Variants in TNNI3K observed in about 807,000 individuals in gnomAD.
TNNI3K encodes serine/threonine-protein kinase TNNI3K.
Under a neutral mutation model 114.5 loss-of-function variants are expected in TNNI3K, and 140 were observed. The ratio of observed to expected loss-of-function variants is 1.22; its 90% CI spans 1.07 to 1.41. TNNI3K has a LOEUF of 1.41. Among genes scored for constraint, TNNI3K ranks in the 40% most tolerant of loss-of-function variants. TNNI3K has a pLI of 0.00. For synonymous variants in TNNI3K, 347 were observed against 347.5 expected (o/e 1.00, Z 0.02); for missense variants, 1,125 against 1,007.6 (o/e 1.12, Z -1.58).
chr1:74,344,232 A>G (rs971156571), intron 9 of TNNI3K, among the ~76,000 whole-genome samples: 67 of 152,204 alleles, frequency 4.4e-4, no homozygotes, highest in Non-Finnish European at 7.3e-5. Context: ...AAGTAAAACC[A>G]CCATTTATGG....
intron 23 of TNNI3K, among the ~76,000 whole-genome samples, chr1:74,508,483 A>G (rs1401238230): frequency 3.9e-5 from 6 of 152,220 alleles, no homozygotes; most frequent in South Asian, 2.1e-4. Context: ...TAGGACTTAA[A>G]CCTGGCCAGA....
intron 24 of TNNI3K, among the ~76,000 whole-genome samples, chr1:74,542,187 A>T (rs1346134124): frequency 6.6e-6 from 1 of 152,212 alleles, no homozygotes; most frequent in Non-Finnish European, 1.5e-5. Context: ...TTTGCTGATC[A>T]TTCCTGAGGG....
chr1:74,378,639 T>A (rs1211545971), intron 17 of TNNI3K: 2 of 123,530 alleles, frequency 1.6e-5, no homozygotes, highest in Admixed American at 8.1e-5. Context: ...TATATATATA[T>A]ATTTCATTTC....
intron 5 of TNNI3K, among the ~76,000 whole-genome samples, chr1:74,283,257 G>A (rs1262437441): frequency 1.3e-5 from 2 of 152,120 alleles, no homozygotes; most frequent in African/African-American, 2.4e-5. Flanking sequence ...TACTGAGTGT[G>A]CCCTATGTTA....
intron 5 of TNNI3K, among the ~76,000 whole-genome samples, chr1:74,303,124 C>T (rs1658424750): frequency 6.6e-6 from 1 of 152,194 alleles, no homozygotes; most frequent in Admixed American, 6.5e-5. Flanking sequence ...TTTGCCCATG[C>T]TCTATGAATG....
intron 5 of TNNI3K, among the ~76,000 whole-genome samples, chr1:74,277,042 A>G (rs1570407358): frequency 6.6e-6 from 1 of 152,176 alleles, no homozygotes; most frequent in Non-Finnish European, 1.5e-5. Flanking sequence ...GTCAGCAATC[A>G]ATAAACATGC....
intron 9 of TNNI3K, among the ~76,000 whole-genome samples, chr1:74,349,007 G>A (rs1661180767): frequency 6.6e-6 from 1 of 152,000 alleles, no homozygotes; most frequent in South Asian, 2.1e-4. Flanking sequence ...CTGCCTGATT[G>A]CCCTGGCCAG....
At chr1:74,451,095 T>C (rs1570637879) in intron 20 of TNNI3K, among the ~76,000 whole-genome samples, 1 of 152,198 alleles carries the variant, frequency 6.6e-6, no homozygotes, top group Admixed American at 6.5e-5. Flanking sequence ...TCATGTCCTT[T>C]GCAGGGACAT....
intron 23 of TNNI3K, among the ~76,000 whole-genome samples, chr1:74,532,188 G>A (rs2100443555): frequency 6.6e-6 from 1 of 152,286 alleles, no homozygotes; most frequent in East Asian, 1.9e-4. Context: ...AAAGTTTAGT[G>A]CATGTGTATC....
At chr1:74,240,505 C>CATCTTT (rs1187349978) in intron 2 of TNNI3K, 5 of 152,152 alleles carry the variant, frequency 3.3e-5, no homozygotes, top group Non-Finnish European at 7.3e-5. Flanking sequence ...GGATTGCATC[C>CATCTTT]ATCTTTATTT....
At chr1:74,348,435 G>A (rs1339614859) in intron 9 of TNNI3K, among the ~76,000 whole-genome samples, 1 of 152,164 alleles carries the variant, frequency 6.6e-6, no homozygotes, top group Non-Finnish European at 1.5e-5. Flanking sequence ...GTAGCATGAT[G>A]CCTCCAACTT....
intron 17 of TNNI3K, chr1:74,377,035 T>A (rs1344743245): frequency 6.6e-6 from 1 of 152,040 alleles, no homozygotes; most frequent in Non-Finnish European, 1.5e-5. Context: ...CATCAGAATC[T>A]CCAGTCTTGG....
chr1:74,450,674 A>T (rs1666950367), intron 20 of TNNI3K, among the ~76,000 whole-genome samples: 1 of 152,174 alleles, frequency 6.6e-6, no homozygotes. Context: ...CATTAGAGAA[A>T]CGCAGATCAA....
At chr1:74,349,439 T>G (rs1055651188) in intron 9 of TNNI3K, among the ~76,000 whole-genome samples, 2 of 152,166 alleles carry the variant, frequency 1.3e-5, no homozygotes, top group Admixed American at 1.3e-4. Flanking sequence ...TCTCTTTTTT[T>G]GTTGTGTCTC....
chr1:74,498,126 G>A (rs909597401), intron 23 of TNNI3K, among the ~76,000 whole-genome samples: 1 of 152,178 alleles, frequency 6.6e-6, no homozygotes, highest in Non-Finnish European at 1.5e-5. Context: ...TACACAAAAT[G>A]ACAATAGCAT....
At position 74,251,392 on chromosome 1, in the gene TNNI3K, TTTATAA is replaced by T. The variant is rs547242633; in HGVS notation, c.333+631_333+636del. Among the ~76,000 whole-genome samples, 366 of 73,494 alleles carry T rather than the reference TTTATAA, an allele frequency of 5.0e-3. 4 individuals carry two copies. The highest frequency in any genetic ancestry group is 0.034 in the Middle Eastern group (4 of 116). 48.2% of individuals were successfully genotyped at this position (73,494 alleles called of 152,430 possible). ...ACAAATTATATTATGCATTGATCAT[TTTATAA>T]TTATAATAACAATTTCTACTTTGTA... On this transcript the variant is annotated intron_variant, in intron 4 of 24. Coordinates refer to ENST00000326637, the MANE Select transcript of TNNI3K (RefSeq NM_015978.3).
At chr1:74,475,611 G>A (rs1167485341) in intron 21 of TNNI3K, 1 of 717,178 alleles carries the variant, frequency 1.4e-6, no homozygotes, top group Admixed American at 2.0e-5. Flanking sequence ...ACCCCACAGT[G>A]GACATGACCT....
intron 17 of TNNI3K, among the ~76,000 whole-genome samples, chr1:74,409,861 T>G (rs1664802162): frequency 6.6e-6 from 1 of 152,206 alleles, no homozygotes; most frequent in East Asian, 1.9e-4. Context: ...TTTATATTTT[T>G]TATTATTATT....
intron 9 of TNNI3K, among the ~76,000 whole-genome samples, chr1:74,343,388 G>A (rs1463213860): frequency 6.6e-6 from 1 of 152,164 alleles, no homozygotes; most frequent in African/African-American, 2.4e-5. Context: ...GATGGGGCCG[G>A]AGCCAGATGC....
Sources: allele counts gnomAD v4.1 joint callset (sites outside exome capture counted in the v4.1 genomes callset), GRCh38; gene constraint gnomAD v4.1.1; transcripts MANE v1.5; gene names NCBI Gene and HGNC (gene_info 2026-07-23, HGNC 2026-07-21).